The following C2CD2 variants were observed in gnomAD, a reference collection of about 807,000 sequenced individuals.
C2CD2 encodes the protein C2 domain-containing protein 2.
Under a neutral mutation model 74.3 loss-of-function variants are expected in C2CD2, and 43 were observed. The observed-to-expected ratio is 0.58, with a 90% confidence interval of 0.45 to 0.75. C2CD2 has a LOEUF of 0.75. Ranked by LOEUF, C2CD2 falls within the 30% of genes least tolerant of loss-of-function variation. The probability of loss-of-function intolerance (pLI) is 0.00; values close to 1 mark genes in which losing one functional copy is unlikely to be tolerated. For missense variants in C2CD2, 801 were observed against 916.3 expected (o/e 0.87, Z 1.63); for synonymous variants, 422 against 390.7 (o/e 1.08, Z -0.94).
intron 1 of C2CD2, chr21:41,952,812 C>T (rs2065460518): frequency 6.6e-6 from 1 of 152,304 alleles, no homozygotes; most frequent in Admixed American, 6.5e-5. Flanking sequence ...CACCCCTGTC[C>T]CGGGAGTTGT....
rs756400796 is a variant in C2CD2, at chr21:41,885,397, G to A, written c.*3727C>T. 1 of 152,636 alleles carries A rather than the reference G, an allele frequency of 6.6e-6. No individual in the cohort carries two copies. Among genetic ancestry groups the A allele is most frequent in the Non-Finnish European group, 1.5e-5 (1 of 68,048 alleles). 9.5% of individuals were successfully genotyped at this position (152,636 alleles called of 1,614,324 possible). Reference sequence around the variant, plus strand: ...TAAACAACAAACCACAAGCCTAAATGATGAATGGTGCGCTGCTGCCCAGCT... The same window carrying A: ...TAAACAACAAACCACAAGCCTAAATAATGAATGGTGCGCTGCTGCCCAGCT... On this transcript the variant is annotated 3_prime_UTR_variant, in exon 14 of 14. Transcript: ENST00000380486.
At chr21:41,893,804 C>T (rs1456198545) in intron 13 of C2CD2, among the ~76,000 whole-genome samples, 1 of 149,322 alleles carries the variant, frequency 6.7e-6, no homozygotes, top group African/African-American at 2.5e-5. Flanking sequence ...CAGGCTCAAG[C>T]GACTCTTCTG....
rs768733901 is a variant in C2CD2 at position 41,922,044 on chromosome 21, C to G, written c.420G>C (p.Leu140Phe). The G allele has an allele frequency of 2.5e-6, 4 of 1,614,062 alleles. No homozygotes were observed. In the Admixed American group the frequency reaches 5.0e-5, roughly 20 times the overall value. Residue 140 changes from leucine to phenylalanine, a missense_variant, in exon 3 of 14, where the codon TTG (leucine) becomes TTC (phenylalanine). Physicochemically the swap from Leu to Phe is conservative, Grantham distance 22. Coordinates refer to ENST00000380486, the MANE Select transcript of C2CD2 (RefSeq NM_015500.2). Reference protein sequence around the residue: ...CHVVGQAIQFLVSETPALGAG... With the variant: ...CHVVGQAIQFFVSETPALGAG... ...CACCCAAGGCAGGCGTCTCGCTGAC[C>G]AAGAACTGAATAGCCTGGCCCACCA...
intron 7 of C2CD2, chr21:41,912,075 G>T: frequency 2.8e-6 from 1 of 361,850 alleles, no homozygotes; most frequent in Non-Finnish European, 5.0e-6. Flanking sequence ...GATGATATGT[G>T]TGTCTGTAAG....
intron 13 of C2CD2, among the ~76,000 whole-genome samples, chr21:41,893,703 T>C (rs1160171995): frequency 9.1e-6 from 1 of 109,358 alleles, no homozygotes; most frequent in Non-Finnish European, 2.0e-5. Context: ...AATTTCTTTT[T>C]TTTTTTTTTT....
rs76193579 is a variant in C2CD2 at position 41,944,571 on chromosome 21, A to G, written c.280-2326T>C. Among the ~76,000 whole-genome samples the G allele has an allele frequency of 5.7e-3, 865 of 151,764 alleles. 6 individuals are homozygous for G. Among genetic ancestry groups the G allele is most frequent in the African/African-American group, 0.02 (812 of 41,400 alleles). On this transcript the variant is annotated intron_variant, in intron 1 of 13. Transcript: ENST00000380486. ...AAGAAAAGAGTTTGCTGGAAAACTT[A>G]AGGTCAAGGGATGGTCTCACAAAGA... is the stretch of plus-strand genomic sequence containing the variant.
Position 41,929,186 on chromosome 21 carries a change from G to A in C2CD2, c.379-7101C>T, listed in dbSNP as rs1250038095. 6.6e-6 allele frequency among the ~76,000 whole-genome samples: 1 copy of A among 152,134 alleles called. No individual in the cohort carries two copies. Among genetic ancestry groups the A allele is most frequent in the Non-Finnish European group, 1.5e-5 (1 of 68,030 alleles). ...TGTGCTGTGGTTGGAGCTAGATTCT[G>A]GAGGCCAAATGAGGTTCACTCTGGC... On this transcript the variant is annotated intron_variant, in intron 2 of 13. Transcript: ENST00000380486. This position sits in a 1 kb window ranked among gnomAD's most constrained non-coding sequence, Gnocchi z 4.6.
At chr21:41,891,048 G>A (rs59980601) in intron 13 of C2CD2, among the ~76,000 whole-genome samples, 1,772 of 152,246 alleles carry the variant, frequency 0.012, 34 homozygotes, top group African/African-American at 0.04. Flanking sequence ...TTTATGACGT[G>A]TCATTTGGAC....
chr21:41,942,293 A>G (rs765203107), intron 1 of C2CD2, 48 bp from the exon 2 acceptor site: 1 of 1,360,618 alleles, frequency 7.3e-7, no homozygotes, highest in South Asian at 1.3e-5. Flanking sequence ...GAGGGGCTGC[A>G]TCTTTTAAAT....
Position 41,905,760 on chromosome 21 carries a change from C to T in C2CD2, c.1396G>A (p.Ala466Thr), listed in dbSNP as rs749134793. 36 of 1,610,542 alleles carry T rather than the reference C, an allele frequency of 2.2e-5. No individual in the cohort carries two copies. Among genetic ancestry groups the T allele is most frequent in the Non-Finnish European group, 2.9e-5 (34 of 1,177,266 alleles). Residue 466 changes from alanine to threonine, a missense_variant, in exon 11 of 14, where the codon GCC becomes ACC. Transcript: ENST00000380486. The part of the protein sequence containing the change: ...ISVQAIACRS[A>T]PVSKTLSSSD... ...GAAGAGAGTGTTTTGCTGACGGGGGCGCTGCGGCAGGCGATGGCCTGGACA... is the reference window on the plus strand; with the variant it reads ...GAAGAGAGTGTTTTGCTGACGGGGGTGCTGCGGCAGGCGATGGCCTGGACA...
Position 41,953,525 on chromosome 21 carries a change from G to C in C2CD2, c.124C>G (p.Arg42Gly), listed in dbSNP as rs1349642634. The C allele has an allele frequency of 1.8e-5, 26 of 1,477,878 alleles. No homozygotes were observed. Among genetic ancestry groups the C allele is most frequent in the Admixed American group, 4.8e-5 (2 of 41,690 alleles). 91.5% of individuals were successfully genotyped at this position (1,477,878 alleles called of 1,614,324 possible). A position where few individuals can be genotyped will look rare whatever the true frequency, so the allele number is the denominator to read the frequency against. Residue 42 changes from arginine to glycine, a missense_variant, in exon 1 of 14, where the codon CGA becomes GGA. Coordinates refer to ENST00000380486, the MANE Select transcript of C2CD2 (RefSeq NM_015500.2). ...YLAQWALARARPQPQRRAVEP... is the reference protein window; with the variant it reads ...YLAQWALARAGPQPQRRAVEP... ...ACCGCCCGCCGCTGGGGCTGGGGTC[G>C]CGCCCTGGCCAGCGCCCACTGCGCC...
chr21:41,925,463 A>G (rs1049004216), intron 2 of C2CD2, among the ~76,000 whole-genome samples: 13 of 152,162 alleles, frequency 8.5e-5, no homozygotes, highest in Admixed American at 7.8e-4. Flanking sequence ...CAGCAGAAAG[A>G]AACATTCTGA....
chr21:41,948,240 G>C (rs2065418327), intron 1 of C2CD2, among the ~76,000 whole-genome samples: 1 of 152,222 alleles, frequency 6.6e-6, no homozygotes, highest in South Asian at 2.1e-4. Flanking sequence ...CTCCTCCAGA[G>C]GCCCATGATT....
At chr21:41,905,900 A>C in intron 10 of C2CD2, 63 bp from the exon 11 acceptor site, 1 of 911,528 alleles carries the variant, frequency 1.1e-6, no homozygotes, top group South Asian at 1.3e-5. Context: ...ACAGTTACCG[A>C]AAAGTGAAAG....
intron 13 of C2CD2, among the ~76,000 whole-genome samples, chr21:41,890,800 C>T (rs962526371): frequency 1.3e-5 from 2 of 152,136 alleles, no homozygotes; most frequent in Admixed American, 6.5e-5. Flanking sequence ...TGAGGGCAGT[C>T]GGAGAAACCT....
intron 2 of C2CD2, among the ~76,000 whole-genome samples, chr21:41,927,167 T>G (rs2065220774): frequency 6.6e-6 from 1 of 152,214 alleles, no homozygotes; most frequent in African/African-American, 2.4e-5. Flanking sequence ...AAGATGTATT[T>G]TTATTTATTT....
chr21:41,930,081 A>G (rs945014599), intron 2 of C2CD2, among the ~76,000 whole-genome samples: 1 of 151,062 alleles, frequency 6.6e-6, no homozygotes, highest in African/African-American at 2.4e-5. Flanking sequence ...GCTGGTGACC[A>G]GTGGTGCCTT....
At position 41,945,779 on chromosome 21, in the gene C2CD2, T is replaced by C. The variant is rs981239344; in HGVS notation, c.280-3534A>G. ...GAAGTTCCTCCTTCCTTCTTCCCTC[T>C]CCTGCCGCCTTATGAAGAAGGTGAC... On this transcript the variant is annotated intron_variant, in intron 1 of 13. Coordinates refer to ENST00000380486, the MANE Select transcript of C2CD2 (RefSeq NM_015500.2). The surrounding 1 kb of genome is among the most constrained non-coding windows in gnomAD (Gnocchi z 4.2). Among the ~76,000 whole-genome samples the C allele has an allele frequency of 6.6e-6, 1 of 152,102 alleles. No individual in the cohort carries two copies. The highest frequency in any genetic ancestry group is 1.5e-5 in the Non-Finnish European group (1 of 68,012).
Position 41,916,639 on chromosome 21 carries a change from AG to A in C2CD2, c.720+1465del, listed in dbSNP as rs1161248482. Reference sequence around the variant, plus strand: ...CCAAATGCAGATCTCAGGACGTACCAGCCTTCATAACTGTGTGAGCTGATTA... The same window carrying A: ...CCAAATGCAGATCTCAGGACGTACCACCTTCATAACTGTGTGAGCTGATTA... On this transcript the variant is annotated intron_variant, in intron 5 of 13. Transcript: ENST00000380486. Among the ~76,000 whole-genome samples, 14 of 149,450 alleles carry A rather than the reference AG, an allele frequency of 9.4e-5. No homozygotes were observed. The South Asian group carries it at 2.6e-3, about 27-fold the overall frequency.
Sources: allele counts gnomAD v4.1 joint callset (sites outside exome capture counted in the v4.1 genomes callset), GRCh38; gene constraint gnomAD v4.1.1; non-coding constraint Gnocchi (gnomAD v3.1); transcripts MANE v1.5; gene names NCBI Gene and HGNC (gene_info 2026-07-23, HGNC 2026-07-21).